PGR: variants seen among roughly 807,000 people sequenced by gnomAD.
The protein encoded by PGR is progesterone receptor.
PGR carries 25 observed loss-of-function variants against 76.1 expected under a neutral mutation model. The observed-to-expected ratio is 0.33, with a 90% CI of 0.24 to 0.46. The LOEUF is 0.46. Among genes scored for constraint, PGR ranks in the 20% least tolerant of loss-of-function variants. The probability of loss-of-function intolerance (pLI) is 1.00; values close to 1 mark genes in which losing one functional copy is unlikely to be tolerated. For synonymous variants in PGR, 579 were observed against 535.0 expected (o/e 1.08, Z -1.14); for missense variants, 1,172 against 1,225.3 (o/e 0.96, Z 0.65).
At position 101,128,554 on chromosome 11, in the gene PGR, C is replaced by T. The variant is rs1312187959; in HGVS notation, c.517G>A (p.Gly173Arg). ...PLMSRSGCKVGDSSGTAAAHK... is the reference protein window; with the variant it reads ...PLMSRSGCKVRDSSGTAAAHK... ...GCAGCTGCCGTCCCGGAGCTGTCTCCAACCTTGCACCCGGACCGGCTCATG... is the reference window on the plus strand; with the variant it reads ...GCAGCTGCCGTCCCGGAGCTGTCTCTAACCTTGCACCCGGACCGGCTCATG... The change falls in exon 1 of 8, where the codon GGA becomes AGA. Residue 173 changes from glycine (G) to arginine (R), a missense_variant. Transcript: ENST00000325455. The T allele has an allele frequency of 5.0e-6, 8 of 1,599,400 alleles. No individual in the cohort carries two copies. The East Asian group carries it at 9.0e-5, about 18-fold the overall frequency.
chr11:101,129,202 T>G lies in PGR; in HGVS notation c.-132A>C. On this transcript the variant is annotated 5_prime_UTR_variant, in exon 1 of 8. Coordinates refer to ENST00000325455, the MANE Select transcript of PGR (RefSeq NM_000926.4). ...TGAATGTGGCTGGACCGGAGGGATC[T>G]CCACCTCCTGGGTCGGGGGCGGGGG... is the stretch of plus-strand genomic sequence containing the variant. 1 of 128,052 alleles carries G rather than the reference T, an allele frequency of 7.8e-6. No homozygotes were observed. The highest frequency in any genetic ancestry group is 1.5e-5 in the Non-Finnish European group (1 of 66,124). 7.9% of individuals were successfully genotyped at this position (128,052 alleles called of 1,614,324 possible). A position where few individuals can be genotyped will look rare whatever the true frequency, so the allele number is the denominator to read the frequency against.
At chr11:101,089,391 T>A (rs1208697576) in intron 3 of PGR, among the ~76,000 whole-genome samples, 1 of 152,214 alleles carries the variant, frequency 6.6e-6, no homozygotes, top group Non-Finnish European at 1.5e-5. Flanking sequence ...ATATTATTGC[T>A]TAGGAAGAGG....
At chr11:101,070,066 G>A (rs950417272) in intron 3 of PGR, among the ~76,000 whole-genome samples, 3 of 151,550 alleles carry the variant, frequency 2.0e-5, no homozygotes, top group Non-Finnish European at 2.9e-5. Context: ...CCGGTCTGTA[G>A]CTCCCAACGC....
At chr11:101,051,310 G>A (rs1860081117) in intron 5 of PGR, 114 bp downstream of exon 5, 3 of 713,768 alleles carry the variant, frequency 4.2e-6, no homozygotes, top group Non-Finnish European at 7.3e-6. Context: ...TAAAATGACA[G>A]TAATGTCATC....
intron 2 of PGR, among the ~76,000 whole-genome samples, chr11:101,118,343 C>T (rs1393408489): frequency 6.6e-6 from 1 of 152,120 alleles, no homozygotes; most frequent in African/African-American, 2.4e-5. Context: ...ATTATTTTTA[C>T]CCTTTAATTT....
intron 4 of PGR, among the ~76,000 whole-genome samples, chr11:101,058,798 T>G (rs1433887548): frequency 6.6e-6 from 1 of 152,176 alleles, no homozygotes; most frequent in Non-Finnish European, 1.5e-5. Context: ...AGACCCTCCT[T>G]GATCAGCCTA....
chr11:101,127,900 C>T lies in PGR; in HGVS notation c.1171G>A (p.Glu391Lys). The T allele has an allele frequency of 6.2e-7, 1 of 1,608,808 alleles. No individual in the cohort carries two copies. Among genetic ancestry groups the T allele is most frequent in the Non-Finnish European group, 8.5e-7 (1 of 1,179,246 alleles). ...QPPALKIKEE[E>K]EGAEASARSP... ...CGCGCGGAGGCCTCCGCGCCTTCCT[C>T]CTCCTCCTTTATCTTTAGAGCGGGC... is the stretch of plus-strand genomic sequence containing the variant. Residue 391 changes from glutamate (E) to lysine (K), a missense_variant, in exon 1 of 8, where the codon GAG becomes AAG. Transcript: ENST00000325455.
At chr11:101,039,445 G>A (rs1859623252) in intron 7 of PGR, among the ~76,000 whole-genome samples, 174 bp from the exon 8 acceptor site, 2 of 151,734 alleles carry the variant, frequency 1.3e-5, no homozygotes, top group Admixed American at 1.3e-4. Flanking sequence ...TATGTAAAAT[G>A]TTATATACTC....
intron 3 of PGR, among the ~76,000 whole-genome samples, chr11:101,089,771 T>G (rs1861614321): frequency 6.6e-6 from 1 of 151,714 alleles, no homozygotes; most frequent in Non-Finnish European, 1.5e-5. Flanking sequence ...GTTAAACAAA[T>G]AAGTAATATA....
chr11:101,104,309 A>G (rs1169241136), intron 2 of PGR, among the ~76,000 whole-genome samples: 1 of 152,210 alleles, frequency 6.6e-6, no homozygotes, highest in African/African-American at 2.4e-5. Context: ...ATAAGGCCAT[A>G]TGCTTTAGAG....
chr11:101,039,324 A>AT lies in PGR; in HGVS notation c.2647-54dup, dbSNP rs2135376347. The AT allele has an allele frequency of 3.0e-6, 4 of 1,321,536 alleles. No homozygotes were observed. In the South Asian group the frequency reaches 4.8e-5, roughly 16 times the overall value. 81.9% of individuals were successfully genotyped at this position (1,321,536 alleles called of 1,614,324 possible). A position where few individuals can be genotyped will look rare whatever the true frequency, so the allele number is the denominator to read the frequency against. On this transcript the variant is annotated intron_variant, in intron 7 of 7. Transcript: ENST00000325455. Reference sequence around the variant, plus strand: ...CATGTAATAAAAATAATAAATTCATATGCTATTCAAACATGGCAATTTATT... The same window carrying AT: ...CATGTAATAAAAATAATAAATTCATATTGCTATTCAAACATGGCAATTTATT...
intron 2 of PGR, among the ~76,000 whole-genome samples, chr11:101,101,711 T>C (rs992314640): frequency 4.7e-4 from 71 of 152,240 alleles, no homozygotes; most frequent in African/African-American, 1.6e-3. Flanking sequence ...TCTATTAAGA[T>C]AGACATTAAA....
In PGR at chr11:101,033,807, G is replaced by T; in HGVS notation, c.*5309C>A. ...GTAAACGTCATAGACAAAGAGATCA[G>T]AAACTTAACATATAACTGACAAGAC... is the stretch of plus-strand genomic sequence containing the variant. On this transcript the variant is annotated 3_prime_UTR_variant, in exon 8 of 8. Coordinates refer to ENST00000325455, the MANE Select transcript of PGR (RefSeq NM_000926.4). 4.8e-6 allele frequency: 1 copy of T among 207,922 alleles called. No individual in the cohort carries two copies. The highest frequency in any genetic ancestry group is 9.8e-6 in the Non-Finnish European group (1 of 102,030). 12.9% of individuals were successfully genotyped at this position (207,922 alleles called of 1,614,324 possible). A position where few individuals can be genotyped will look rare whatever the true frequency, so the allele number is the denominator to read the frequency against.
rs1199402585 is a variant in PGR at position 101,036,910 on chromosome 11, T to C, written c.*2206A>G. On this transcript the variant is annotated 3_prime_UTR_variant, in exon 8 of 8. Transcript: ENST00000325455. ...ATCAGATAATAAAATGATCACAACA[T>C]CAACTGTTCCCTGAGTCCATCACTT... 3 of 199,126 alleles carry C rather than the reference T, an allele frequency of 1.5e-5. No homozygotes were observed. In the Admixed American group the frequency reaches 1.8e-4, roughly 12 times the overall value. The allele number at this position is 199,126 out of a possible 1,614,324, so 12.3% of individuals were successfully genotyped here.
In PGR at chr11:101,031,298, G is replaced by A. The variant is rs753924407; in HGVS notation, c.*7818C>T. On this transcript the variant is annotated 3_prime_UTR_variant, in exon 8 of 8. Transcript: ENST00000325455. ...TCTATGACCAGGCATAACTAACAAG[G>A]GACTGGTGTATGGCCAGTGAGGACC... The A allele has an allele frequency of 1.2e-4, 27 of 223,636 alleles. No individual in the cohort carries two copies. The highest frequency in any genetic ancestry group is 2.3e-4 in the Non-Finnish European group (26 of 112,158). 13.9% of individuals were successfully genotyped at this position (223,636 alleles called of 1,614,324 possible).
chr11:101,049,960 G>C lies in PGR; in HGVS notation c.2457C>G (p.Leu819=). Residue 819 remains leucine (L), a synonymous_variant, in exon 6 of 8, where the codon CTC becomes CTG. Coordinates refer to ENST00000325455, the MANE Select transcript of PGR (RefSeq NM_000926.4). ...TAAGAAGTAACAATACTTTCATACA[G>C]AGGAACTCTTCTTGGCTAACTTGAA... The part of the protein sequence containing the change: ...VKLQVSQEEF[L]CMKVLLLLNT... The C allele has an allele frequency of 6.2e-7, 1 of 1,612,174 alleles. No homozygotes were observed. Among genetic ancestry groups the C allele is most frequent in the Non-Finnish European group, 8.5e-7 (1 of 1,178,718 alleles).
At chr11:101,107,512 A>T (rs1027844796) in intron 2 of PGR, among the ~76,000 whole-genome samples, 7 of 152,206 alleles carry the variant, frequency 4.6e-5, no homozygotes, top group Non-Finnish European at 7.3e-5. Flanking sequence ...TACACATTAC[A>T]TGCAAAATTT....
intron 6 of PGR, among the ~76,000 whole-genome samples, chr11:101,044,448 A>G (rs1207078131): frequency 1.3e-5 from 2 of 152,122 alleles, no homozygotes; most frequent in Non-Finnish European, 2.9e-5. Context: ...AACTTTCTCC[A>G]TATCAGCAAT....
At chr11:101,064,331 CAAAAAAAAAAAAAAAAAAAAAAAA>C (rs10556132) in intron 3 of PGR, among the ~76,000 whole-genome samples, 20 of 39,448 alleles carry the variant, frequency 5.1e-4, no homozygotes, top group South Asian at 1.4e-3. Context: ...AACTCCACCT[CAAAAAAAAAAAAAAAAAAAAAAAA>C]AAAAAAAAAA....
Sources: allele counts gnomAD v4.1 joint callset (sites outside exome capture counted in the v4.1 genomes callset), GRCh38; gene constraint gnomAD v4.1.1; transcripts MANE v1.5; gene names NCBI Gene and HGNC (gene_info 2026-07-23, HGNC 2026-07-21).